The following MCC variants were observed in gnomAD, a reference collection of about 807,000 sequenced individuals.
The protein encoded by MCC is colorectal mutant cancer protein.
MCC carries 90 observed loss-of-function variants against 116.2 expected under a neutral mutation model. That is an observed-to-expected ratio of 0.77 (90% CI 0.65 to 0.92). MCC has a LOEUF of 0.92. Among genes scored for constraint, MCC ranks in the 40% least tolerant of loss-of-function variants. The probability of loss-of-function intolerance (pLI) is 0.00; values close to 1 mark genes in which losing one functional copy is unlikely to be tolerated. For synonymous variants in MCC, 578 were observed against 510.5 expected (o/e 1.13, Z -1.78); for missense variants, 1,516 against 1,312.2 (o/e 1.16, Z -2.40).
rs1232257610 is a variant in MCC at position 113,022,540 on chromosome 5, A to G, written c.*4762T>C. Reference sequence around the variant, plus strand: ...AGAAAAGAAGTGGACATGTTTTATTATCTTTGCATTACGTTCTAACAAAAG... The same window carrying G: ...AGAAAAGAAGTGGACATGTTTTATTGTCTTTGCATTACGTTCTAACAAAAG... On this transcript the variant is annotated 3_prime_UTR_variant, in exon 19 of 19. Transcript: ENST00000408903. The G allele has an allele frequency of 6.6e-6, 1 of 152,406 alleles. No individual in the cohort carries two copies. The highest frequency in any genetic ancestry group is 1.5e-5 in the Non-Finnish European group (1 of 68,044). 9.4% of individuals were successfully genotyped at this position (152,406 alleles called of 1,614,324 possible).
chr5:113,118,960 G>A (rs1043279254), intron 6 of MCC, among the ~76,000 whole-genome samples: 6 of 152,146 alleles, frequency 3.9e-5, no homozygotes, highest in African/African-American at 1.4e-4. Context: ...TTCCTGCTCG[G>A]CTGTGACCTC....
intron 1 of MCC, among the ~76,000 whole-genome samples, chr5:113,394,358 G>T (rs543439803): frequency 1.3e-5 from 2 of 152,126 alleles, no homozygotes; most frequent in Non-Finnish European, 2.9e-5. Flanking sequence ...TTTCCAACAG[G>T]CAGCCAACAA....
At chr5:113,153,356 T>A (rs775879993) in intron 3 of MCC, among the ~76,000 whole-genome samples, 3 of 151,894 alleles carry the variant, frequency 2.0e-5, no homozygotes, top group Non-Finnish European at 4.4e-5. Flanking sequence ...TGCTGCATGC[T>A]CCCCCACAGA....
At chr5:113,046,659 A>G (rs190626622) in intron 16 of MCC, among the ~76,000 whole-genome samples, 1 of 140,500 alleles carries the variant, frequency 7.1e-6, no homozygotes, top group African/African-American at 2.8e-5. Flanking sequence ...CTCTGTCTCT[A>G]ACTGACTGCT....
At chr5:113,351,807 C>T (rs1768275151) in intron 2 of MCC, among the ~76,000 whole-genome samples, 2 of 152,066 alleles carry the variant, frequency 1.3e-5, no homozygotes, top group Admixed American at 6.5e-5. Flanking sequence ...TCATGTACCC[C>T]ATAAATATAT....
At chr5:113,300,275 T>A (rs1195803001) in intron 3 of MCC, among the ~76,000 whole-genome samples, 1 of 152,104 alleles carries the variant, frequency 6.6e-6, no homozygotes, top group Non-Finnish European at 1.5e-5. Flanking sequence ...ACCCCTGGGG[T>A]GCCCCAGCGA....
intron 1 of MCC, among the ~76,000 whole-genome samples, chr5:113,391,093 C>T (rs9326885): frequency 0.032 from 4,891 of 151,840 alleles, 121 homozygotes; most frequent in African/African-American, 0.068. Context: ...TTGCTTCTTA[C>T]GAAATAAGTA....
chr5:113,178,460 G>T (rs1443674227), intron 3 of MCC, among the ~76,000 whole-genome samples: 1 of 152,110 alleles, frequency 6.6e-6, no homozygotes, highest in Non-Finnish European at 1.5e-5. Flanking sequence ...CAGGGCAGAA[G>T]ATTTATTTAT....
chr5:113,045,232 C>T (rs1387606895), intron 16 of MCC, among the ~76,000 whole-genome samples: 2 of 152,174 alleles, frequency 1.3e-5, no homozygotes, highest in Non-Finnish European at 2.9e-5. Context: ...ATCTGGTGCA[C>T]ACAGACGAGA....
chr5:113,473,604 A>G (rs138687856), intron 1 of MCC, among the ~76,000 whole-genome samples: 4 of 152,314 alleles, frequency 2.6e-5, no homozygotes, highest in African/African-American at 7.2e-5. Flanking sequence ...TTCAGTAACA[A>G]CTATAATACA....
At chr5:113,180,208 T>G (rs918694026) in intron 3 of MCC, among the ~76,000 whole-genome samples, 1 of 152,210 alleles carries the variant, frequency 6.6e-6, no homozygotes, top group Non-Finnish European at 1.5e-5. Context: ...TTATTTGCCA[T>G]GTTCTCATTT....
intron 17 of MCC, among the ~76,000 whole-genome samples, chr5:113,042,329 G>T (rs1580904122): frequency 8.5e-6 from 1 of 118,322 alleles, no homozygotes; most frequent in South Asian, 2.7e-4. Flanking sequence ...AAAAAAATTA[G>T]CCAGGTGTGG....
At chr5:113,088,727 T>C (rs1217871669) in intron 8 of MCC, among the ~76,000 whole-genome samples, 1 of 151,814 alleles carries the variant, frequency 6.6e-6, no homozygotes, top group Non-Finnish European at 1.5e-5. Flanking sequence ...TTTGAGGGAG[T>C]GTGGCTCTGC....
At position 113,071,084 on chromosome 5, in the gene MCC, G is replaced by A. The variant is rs1754002860; in HGVS notation, c.1925+10C>T. 1.3e-6 allele frequency: 2 copies of A among 1,599,562 alleles called. No individual in the cohort carries two copies. The highest frequency in any genetic ancestry group is 1.7e-6 in the Non-Finnish European group (2 of 1,174,128). On this transcript the variant is annotated intron_variant, in intron 12 of 18. Transcript: ENST00000408903. ...CTGAAGTAGCTCCAAACATCCCAGTGTGTGCCTACCTGTACTGCAAGGCCA... is the reference window on the plus strand; with the variant it reads ...CTGAAGTAGCTCCAAACATCCCAGTATGTGCCTACCTGTACTGCAAGGCCA...
At chr5:113,030,358 A>T (rs1339966813) in intron 17 of MCC, among the ~76,000 whole-genome samples, 1 of 152,136 alleles carries the variant, frequency 6.6e-6, no homozygotes, top group Non-Finnish European at 1.5e-5. Flanking sequence ...TGCTACCGAA[A>T]TGCTCTGCTT....
chr5:113,425,030 G>C, intron 1 of MCC, among the ~76,000 whole-genome samples: 2 of 152,022 alleles, frequency 1.3e-5, no homozygotes, highest in East Asian at 3.9e-4. Context: ...AAATTTCCTA[G>C]AACTTAAGAA....
intron 3 of MCC, among the ~76,000 whole-genome samples, chr5:113,175,421 G>C (rs992428633): frequency 2.0e-5 from 3 of 152,148 alleles, no homozygotes; most frequent in Non-Finnish European, 4.4e-5. Flanking sequence ...AAAGGTCCTA[G>C]ATGGTTCTCA....
chr5:113,279,489 C>A (rs1765953246), intron 3 of MCC, among the ~76,000 whole-genome samples: 1 of 152,118 alleles, frequency 6.6e-6, no homozygotes, highest in African/African-American at 2.4e-5. Flanking sequence ...GATTAAGAAT[C>A]ATTCACCCCA....
At chr5:113,450,865 G>C (rs1035754133) in intron 1 of MCC, among the ~76,000 whole-genome samples, 2 of 152,106 alleles carry the variant, frequency 1.3e-5, no homozygotes, top group Non-Finnish European at 1.5e-5. Flanking sequence ...TTCTATTCTG[G>C]AAGAGGACTC....
Sources: gnomAD v4.1 joint callset for allele counts (sites outside exome capture counted in the v4.1 genomes callset) on GRCh38, gnomAD v4.1.1 for gene constraint, MANE v1.5 for transcripts, NCBI Gene and HGNC (gene_info 2026-07-23, HGNC 2026-07-21) for gene names.